CHAF1A: variants seen among roughly 807,000 people sequenced by gnomAD.
CHAF1A encodes the protein CAF-1 subunit A.
CHAF1A carries 5 observed loss-of-function variants against 93.2 expected under a neutral mutation model. The observed-to-expected ratio is 0.05, with a 90% confidence interval of 0.03 to 0.11. The LOEUF is 0.11. Ranked by LOEUF, CHAF1A falls within the 10% of genes least tolerant of loss-of-function variation. The pLI, the probability that CHAF1A is intolerant of heterozygous loss-of-function variation, is 1.00. For synonymous variants in CHAF1A, 504 were observed against 510.3 expected (o/e 0.99, Z 0.17); for missense variants, 1,102 against 1,259.9 (o/e 0.87, Z 1.90).
At chr19:4,419,236 C>G (rs1973949410) in intron 4 of CHAF1A, among the ~76,000 whole-genome samples, 1 of 151,916 alleles carries the variant, frequency 6.6e-6, no homozygotes, top group South Asian at 2.1e-4. Context: ...TCATGTCATA[C>G]CGAAACAAAC....
At chr19:4,446,295 A>G (rs1268844171), downstream of CHAF1A, 4 of 1,572,022 alleles carry the variant, frequency 2.5e-6, no homozygotes, top group Non-Finnish European at 3.4e-6. Flanking sequence ...TGCAGGAGGC[A>G]GCCATCGGGG....
At chr19:4,436,577 G>C (rs774298101) in intron 13 of CHAF1A, among the ~76,000 whole-genome samples, 1 of 152,180 alleles carries the variant, frequency 6.6e-6, no homozygotes, top group Admixed American at 6.5e-5. Flanking sequence ...GAAAATGATC[G>C]GGGCGGGAAG....
chr19:4,447,107 T>TC (rs1974549555), downstream of CHAF1A: 2 of 619,810 alleles, frequency 3.2e-6, no homozygotes, highest in Non-Finnish European at 2.8e-6. Flanking sequence ...CTGTGGAGTC[T>TC]CCAACAGCTC....
chr19:4,417,975 A>G (rs1973924798), intron 3 of CHAF1A, 45 bp from the exon 4 acceptor site: 1 of 1,382,380 alleles, frequency 7.2e-7, no homozygotes, highest in Admixed American at 2.0e-5. Flanking sequence ...TTCTCGAAGC[A>G]ATTGAAATAA....
chr19:4,414,565 CAT>C (rs1456303047), intron 3 of CHAF1A, among the ~76,000 whole-genome samples: 2 of 152,240 alleles, frequency 1.3e-5, no homozygotes, highest in East Asian at 1.9e-4. Flanking sequence ...TTGTGTATGA[CAT>C]ATACTGTAAA....
chr19:4,442,387 T>C (rs371638098), intron 14 of CHAF1A, 46 bp downstream of exon 14: 24 of 1,462,788 alleles, frequency 1.6e-5, no homozygotes, highest in Non-Finnish European at 2.2e-5. Context: ...AGGTGGGCGC[T>C]GGAGGTAAAC....
intron 3 of CHAF1A, among the ~76,000 whole-genome samples, chr19:4,414,950 A>T (rs1039427569): frequency 2.0e-5 from 3 of 152,174 alleles, no homozygotes; most frequent in African/African-American, 7.2e-5. Flanking sequence ...TAGAAATTAG[A>T]TACCCTTTAG....
At chr19:4,439,947 G>A (rs1016886241) in intron 13 of CHAF1A, among the ~76,000 whole-genome samples, 22 of 152,154 alleles carry the variant, frequency 1.4e-4, no homozygotes, top group African/African-American at 5.3e-4. Flanking sequence ...CTGGGGAGAG[G>A]GACAGCCTGG....
intron 3 of CHAF1A, among the ~76,000 whole-genome samples, chr19:4,412,940 T>A (rs573915751): frequency 6.6e-6 from 1 of 152,228 alleles, no homozygotes; most frequent in Non-Finnish European, 1.5e-5. Flanking sequence ...CATGCCCTGA[T>A]GGCAGGGATC....
At chr19:4,431,716 G>T (rs983319156) in intron 11 of CHAF1A, among the ~76,000 whole-genome samples, 1 of 152,166 alleles carries the variant, frequency 6.6e-6, no homozygotes, top group Admixed American at 6.6e-5. Context: ...AGGCCTCATG[G>T]GTGAGTTCAG....
intron 7 of CHAF1A, 83 bp downstream of exon 7, chr19:4,423,957 C>A: frequency 7.6e-7 from 1 of 1,319,596 alleles, no homozygotes; most frequent in Non-Finnish European, 1.1e-6. Context: ...TCTCCCCAGC[C>A]AGCTTCTCTC....
intron 13 of CHAF1A, among the ~76,000 whole-genome samples, chr19:4,441,053 C>T (rs1310665280): frequency 6.6e-6 from 1 of 151,212 alleles, no homozygotes; most frequent in Non-Finnish European, 1.5e-5. Context: ...GGCAGTGGCT[C>T]ACGCCTGTAA....
At chr19:4,429,237 C>G in intron 8 of CHAF1A, 2 of 644,614 alleles carry the variant, frequency 3.1e-6, no homozygotes, top group Non-Finnish European at 5.3e-6. Flanking sequence ...TGTCCTCCCT[C>G]TCACCCTGCA....
In CHAF1A at chr19:4,433,184, C is replaced by T. The variant is rs769320299; in HGVS notation, c.2318C>T (p.Pro773Leu). 8 of 1,613,600 alleles carry T rather than the reference C, an allele frequency of 5.0e-6. No individual in the cohort carries two copies. The highest frequency in any genetic ancestry group is 1.6e-4 in the Middle Eastern group (1 of 6,084). Residue 773 changes from proline (P) to leucine (L), a missense_variant, in exon 13 of 15, where the codon CCG (proline) becomes CTG (leucine). Around this residue, in one of 6 missense-constraint regions of CHAF1A, gnomAD observed 335 missense variants for 361.9 expected, o/e 0.93. Coordinates refer to ENST00000301280, the MANE Select transcript of CHAF1A (RefSeq NM_005483.3). This position sits in a 1 kb window ranked among gnomAD's most constrained non-coding sequence, Gnocchi z 5.6. ...RGLLSNHTGS[P>L]RSPSTTYLHT... ...CTGCTCAGCAACCACACCGGCAGCC[C>T]GCGGAGCCCCTCCACCACCTACCTG...
At chr19:4,432,996 T>G in intron 12 of CHAF1A, 74 bp from the exon 13 acceptor site, 13 of 1,177,940 alleles carry the variant, frequency 1.1e-5, no homozygotes, top group African/African-American at 1.5e-5. Context: ...AGCTTGTGTA[T>G]GTGTTTTGTT....
In CHAF1A at chr19:4,429,474, T is replaced by C. The variant is rs766052176; in HGVS notation, c.1641T>C (p.Gly547=). ...VVIVERGKGD[G]VPERRKFGRM... is the part of the protein sequence containing the mutation. ...TCGTGGAGCGTGGGAAGGGCGACGG[T>C]GTTCCCGAGAGGAGGAAGTTTGGCA... Residue 547 remains glycine, a synonymous_variant, in exon 9 of 15, where the codon GGT becomes GGC. Coordinates refer to ENST00000301280, the MANE Select transcript of CHAF1A (RefSeq NM_005483.3). 6.2e-7 allele frequency: 1 copy of C among 1,613,942 alleles called. No individual in the cohort carries two copies. The highest frequency in any genetic ancestry group is 8.5e-7 in the Non-Finnish European group (1 of 1,179,976).
Position 4,409,393 on chromosome 19 carries a change from C to T in CHAF1A, c.594C>T (p.Asp198=), listed in dbSNP as rs1388319477. 10 of 1,614,144 alleles carry T rather than the reference C, an allele frequency of 6.2e-6. No individual in the cohort carries two copies. Among genetic ancestry groups the T allele is most frequent in the Non-Finnish European group, 7.6e-6 (9 of 1,180,040 alleles). The change falls in exon 3 of 15, where the codon GAC becomes GAT. Residue 198 remains aspartate (D), a synonymous_variant. Coordinates refer to ENST00000301280, the MANE Select transcript of CHAF1A (RefSeq NM_005483.3). ...GTGGAGGTGCAGGGAGGAGAGGCGA[C>T]TCCCAGGAATGTTCGCCACGGAGCT... ...VGCGGAGRRG[D]SQECSPRSCP...
At chr19:4,444,373 A>G (rs996248359), downstream of CHAF1A, among the ~76,000 whole-genome samples, 8 of 152,098 alleles carry the variant, frequency 5.3e-5, no homozygotes, top group Admixed American at 2.0e-4. Context: ...CTGTACCACA[A>G]ACCTGGTGGC....
At chr19:4,408,285 C>CG (rs1218558464) in intron 2 of CHAF1A, among the ~76,000 whole-genome samples, 11 of 150,624 alleles carry the variant, frequency 7.3e-5, no homozygotes, top group Non-Finnish European at 3.0e-5. Flanking sequence ...CTCCGCCCCC[C>CG]GGGTTCACAC....
Sources: gnomAD v4.1 joint callset for allele counts (sites outside exome capture counted in the v4.1 genomes callset) on GRCh38, gnomAD v4.1.1 for gene constraint, gnomAD v4.1.1 regional missense constraint, Gnocchi (gnomAD v3.1) non-coding constraint, MANE v1.5 for transcripts, NCBI Gene and HGNC (gene_info 2026-07-23, HGNC 2026-07-21) for gene names.